Variants in KIF6 observed in about 807,000 individuals in gnomAD.
KIF6 encodes kinesin-like protein KIF6.
A neutral mutation model predicts 112.7 loss-of-function variants in KIF6; 106 were observed. The observed-to-expected ratio is 0.94, with a 90% CI of 0.80 to 1.11. The LOEUF (loss-of-function observed/expected upper bound fraction) is 1.11. KIF6 is among the 50% of genes least tolerant of loss of function. The probability of loss-of-function intolerance (pLI) is 0.00; values close to 1 mark genes in which losing one functional copy is unlikely to be tolerated. For synonymous variants in KIF6, 339 were observed against 339.9 expected, an observed-to-expected ratio of 1.00 and a Z score of 0.03; for missense variants, 929 against 964.0, an observed-to-expected ratio of 0.96 and a Z score of 0.48.
rs530720793 is a variant in KIF6, at chr6:39,567,793, C to G, written c.1181+10263G>C. 2.4e-3 allele frequency among the ~76,000 whole-genome samples: 368 copies of G among 152,078 alleles called. 2 individuals are homozygous for G. The highest frequency in any genetic ancestry group is 6.4e-3 in the African/African-American group (266 of 41,500). On this transcript the variant is annotated intron_variant, in intron 10 of 22. Transcript: ENST00000287152. ...TGGCTAATTTTTTGTATTTTTAGTA[C>G]AGACGGGGTTTCACTGTGTTAGCCA...
rs546766720 is a variant in KIF6, at chr6:39,483,645, C to T, written c.1646-52484G>A. 9.7e-4 allele frequency among the ~76,000 whole-genome samples: 148 copies of T among 152,162 alleles called. 1 individual carries two copies. In the Middle Eastern group the frequency reaches 0.01, roughly 10 times the overall value. ...ATCTGAAAGAGATCTAAAGTTTGAC[C>T]CTAACAGTAAAGGTCCAGGCACTTG... On this transcript the variant is annotated intron_variant, in intron 13 of 22. Transcript: ENST00000287152.
At chr6:39,723,897 G>A (rs1228842498) in intron 1 of KIF6, among the ~76,000 whole-genome samples, 1 of 151,792 alleles carries the variant, frequency 6.6e-6, no homozygotes, top group Non-Finnish European at 1.5e-5. Flanking sequence ...GTATAATAAC[G>A]AATAAAATAA....
intron 13 of KIF6, among the ~76,000 whole-genome samples, chr6:39,520,936 T>C (rs1396276122): frequency 6.6e-6 from 1 of 152,204 alleles, no homozygotes; most frequent in Non-Finnish European, 1.5e-5. Flanking sequence ...GTCAGAACAA[T>C]TGATAGATGT....
At chr6:39,417,502 C>T (rs1032959348) in intron 15 of KIF6, among the ~76,000 whole-genome samples, 1 of 152,200 alleles carries the variant, frequency 6.6e-6, no homozygotes, top group Non-Finnish European at 1.5e-5. Context: ...TTGTCCAGAT[C>T]TTCTCCTAGC....
chr6:39,650,464 ATTT>A (rs1173592542), intron 3 of KIF6, among the ~76,000 whole-genome samples: 1 of 151,978 alleles, frequency 6.6e-6, no homozygotes, highest in Middle Eastern at 3.2e-3. Context: ...TGAGGGCTGC[ATTT>A]TTATCTTATT....
At chr6:39,692,925 T>C (rs1397804679) in intron 3 of KIF6, among the ~76,000 whole-genome samples, 6 of 152,152 alleles carry the variant, frequency 3.9e-5, no homozygotes, top group Non-Finnish European at 7.4e-5. Flanking sequence ...CTAGTTAGGA[T>C]AGAAATGAAG....
intron 14 of KIF6, among the ~76,000 whole-genome samples, chr6:39,429,832 C>T (rs1051720748): frequency 3.3e-5 from 5 of 151,778 alleles, no homozygotes; most frequent in African/African-American, 4.8e-5. Flanking sequence ...CGCTTGAACC[C>T]GGGAGGTGGA....
At chr6:39,614,667 T>C (rs1391277468) in intron 5 of KIF6, among the ~76,000 whole-genome samples, 1 of 152,156 alleles carries the variant, frequency 6.6e-6, no homozygotes, top group Non-Finnish European at 1.5e-5. Context: ...CCAGCAAAAA[T>C]GGAAAAAGAT....
intron 17 of KIF6, 33 bp from the exon 18 acceptor site, chr6:39,360,563 G>C (rs772034031): frequency 1.2e-6 from 2 of 1,613,380 alleles, no homozygotes; most frequent in Admixed American, 1.7e-5. Flanking sequence ...TCAGGGCACT[G>C]CTGTCTTGAA....
intron 21 of KIF6, among the ~76,000 whole-genome samples, chr6:39,344,464 GA>G (rs1763553521): frequency 6.6e-6 from 1 of 152,130 alleles, no homozygotes; most frequent in African/African-American, 2.4e-5. Context: ...TGTATGATAT[GA>G]CCCCGGGTCA....
At chr6:39,336,617 CG>C in intron 22 of KIF6, 69 bp from the exon 23 acceptor site, 5 of 1,483,764 alleles carry the variant, frequency 3.4e-6, no homozygotes, top group Middle Eastern at 1.7e-4. Context: ...AGGATTGAAT[CG>C]GGGGGAGGGG....
intron 5 of KIF6, among the ~76,000 whole-genome samples, chr6:39,619,749 C>T (rs1783713891): frequency 6.6e-6 from 1 of 152,182 alleles, no homozygotes; most frequent in African/African-American, 2.4e-5. Flanking sequence ...AGAACCAACG[C>T]TTTCTCAGGG....
chr6:39,648,814 T>C lies in KIF6; in HGVS notation c.252-9057A>G, dbSNP rs148589960. Reference sequence around the variant, plus strand: ...GCATGTCCCCTGGAGGTGTACAATATAGAAGTCCTGCGTAAAGGCATGTGA... The same window carrying C: ...GCATGTCCCCTGGAGGTGTACAATACAGAAGTCCTGCGTAAAGGCATGTGA... On this transcript the variant is annotated intron_variant, in intron 3 of 22. Coordinates refer to ENST00000287152, the MANE Select transcript of KIF6 (RefSeq NM_145027.6). Among the ~76,000 whole-genome samples the C allele has an allele frequency of 3.9e-5, 6 of 152,272 alleles. No individual in the cohort carries two copies. In the East Asian group the frequency reaches 1.2e-3, roughly 29 times the overall value.
chr6:39,722,680 A>C (rs369629740), intron 1 of KIF6, among the ~76,000 whole-genome samples: 138 of 152,348 alleles, frequency 9.1e-4, no homozygotes, highest in African/African-American at 2.8e-3. Flanking sequence ...TACAAAAAGC[A>C]TTTCTAGTCA....
chr6:39,680,318 T>G (rs556690008), intron 3 of KIF6, among the ~76,000 whole-genome samples: 35 of 152,306 alleles, frequency 2.3e-4, no homozygotes, highest in African/African-American at 8.4e-4. Context: ...GTATAATTAG[T>G]TTTTAATTCA....
At chr6:39,667,540 T>C (rs1190671551) in intron 3 of KIF6, among the ~76,000 whole-genome samples, 1 of 152,178 alleles carries the variant, frequency 6.6e-6, no homozygotes, top group East Asian at 1.9e-4. Flanking sequence ...AAGAATGCTT[T>C]ACCAGCTTTC....
chr6:39,384,712 G>C (rs572180956), intron 16 of KIF6, among the ~76,000 whole-genome samples: 1 of 152,158 alleles, frequency 6.6e-6, no homozygotes, highest in African/African-American at 2.4e-5. Flanking sequence ...GGATTTCTCC[G>C]ATTACAGGTA....
At chr6:39,688,189 C>T (rs1787984778) in intron 3 of KIF6, among the ~76,000 whole-genome samples, 1 of 152,138 alleles carries the variant, frequency 6.6e-6, no homozygotes. Context: ...TCACTGTCCT[C>T]CCCTCTGATC....
chr6:39,521,602 A>C (rs1777406261), intron 13 of KIF6, among the ~76,000 whole-genome samples: 1 of 152,064 alleles, frequency 6.6e-6, no homozygotes, highest in Non-Finnish European at 1.5e-5. Context: ...GTAGGGAAAA[A>C]TCTACTGGAG....
Sources: allele counts gnomAD v4.1 joint callset (sites outside exome capture counted in the v4.1 genomes callset), GRCh38; gene constraint gnomAD v4.1.1; transcripts MANE v1.5; gene names NCBI Gene and HGNC (gene_info 2026-07-23, HGNC 2026-07-21).